Variants in DIAPH2 observed in about 807,000 individuals in gnomAD.
DIAPH2 encodes the protein diaphanous related formin 2.
Under a neutral mutation model 92.7 loss-of-function variants are expected in DIAPH2, and 35 were observed. The observed-to-expected ratio is 0.38, with a 90% confidence interval of 0.29 to 0.50. The LOEUF (loss-of-function observed/expected upper bound fraction) is 0.50, where lower values mean the gene tolerates loss of function less well. Among genes scored for constraint, DIAPH2 ranks in the 20% least tolerant of loss-of-function variants. The pLI is 0.94. For synonymous variants in DIAPH2, 301 were observed against 280.4 expected (o/e 1.07, Z -0.73); for missense variants, 701 against 819.5 (o/e 0.86, Z 1.77).
At position 97,087,745 on chromosome X, in the gene DIAPH2, C is replaced by A. The variant is rs183672479; in HGVS notation, c.2248-11949C>A. Among the ~76,000 whole-genome samples, 767 of 111,835 alleles carry A rather than the reference C, an allele frequency of 6.9e-3. 7 individuals carry two copies. The highest frequency in any genetic ancestry group is 0.019 in the Middle Eastern group (4 of 212). ...ATCTTAGACATTTATTTAGCTGTAACCTGTCACTCTTTCTGGCCATTTATC... is the reference window on the plus strand; with the variant it reads ...ATCTTAGACATTTATTTAGCTGTAAACTGTCACTCTTTCTGGCCATTTATC... On this transcript the variant is annotated intron_variant, in intron 19 of 26. Transcript: ENST00000324765.
intron 26 of DIAPH2, among the ~76,000 whole-genome samples, chrX:97,454,344 A>T (rs1388875052): frequency 3.6e-5 from 4 of 111,480 alleles, no homozygotes; most frequent in Non-Finnish European, 7.5e-5. Context: ...CTTAAAAAAC[A>T]AAAAGCAGAA....
intron 23 of DIAPH2, among the ~76,000 whole-genome samples, chrX:97,320,964 T>C (rs1324091364): frequency 8.9e-6 from 1 of 112,075 alleles, no homozygotes; most frequent in Non-Finnish European, 1.9e-5. Flanking sequence ...AGAGATTTTA[T>C]TACTAATTCA....
chrX:97,408,710 C>G (rs1023079014), intron 25 of DIAPH2, among the ~76,000 whole-genome samples: 4 of 111,800 alleles, frequency 3.6e-5, no homozygotes, highest in Non-Finnish European at 7.5e-5. Flanking sequence ...TTTCTAAAAG[C>G]AATATTCATT....
chrX:97,415,662 T>C (rs1159900815), intron 25 of DIAPH2, among the ~76,000 whole-genome samples: 1 of 101,150 alleles, frequency 9.9e-6, no homozygotes, highest in Admixed American at 1.1e-4. Flanking sequence ...ATGAGATCAC[T>C]TGGACACAGG....
At chrX:97,222,390 G>T (rs1387994451) in intron 22 of DIAPH2, among the ~76,000 whole-genome samples, 2 of 111,789 alleles carry the variant, frequency 1.8e-5, no homozygotes, top group Non-Finnish European at 3.8e-5. Flanking sequence ...TTTTAGTAGA[G>T]ACGGGGTTTC....
intron 21 of DIAPH2, among the ~76,000 whole-genome samples, chrX:97,116,025 CT>C (rs779374581): frequency 1.4e-3 from 151 of 111,469 alleles, no homozygotes; most frequent in African/African-American, 3.9e-3. Flanking sequence ...TTCTTTCACT[CT>C]TTTTTTTCTC....
chrX:96,953,661 T>A (rs765756553), intron 15 of DIAPH2: 1 of 112,303 alleles, frequency 8.9e-6, no homozygotes, highest in South Asian at 3.8e-4. Context: ...TGGAGAATGA[T>A]CCATAATTGC....
At chrX:96,839,470 G>A (rs772348617) in intron 4 of DIAPH2, among the ~76,000 whole-genome samples, 1 of 111,149 alleles carries the variant, frequency 9.0e-6, no homozygotes, top group South Asian at 3.8e-4. Flanking sequence ...AATTGCTAAC[G>A]ATGGCTTAAT....
intron 25 of DIAPH2, among the ~76,000 whole-genome samples, chrX:97,411,775 T>G (rs1234484523): frequency 2.7e-5 from 3 of 111,252 alleles, no homozygotes; most frequent in Non-Finnish European, 5.7e-5. Flanking sequence ...AAAACAGACT[T>G]TAAACCAACA....
chrX:97,506,243 A>G (rs1262707217), intron 26 of DIAPH2, among the ~76,000 whole-genome samples: 1 of 87,995 alleles, frequency 1.1e-5, no homozygotes, highest in Non-Finnish European at 2.1e-5. Context: ...TCTGCCTCCC[A>G]GGTTCAAGCA....
At chrX:96,881,516 C>A (rs1446493921) in intron 4 of DIAPH2, 63 bp from the exon 5 acceptor site, 1 of 938,417 alleles carries the variant, frequency 1.1e-6, no homozygotes, top group East Asian at 3.4e-5. Flanking sequence ...ATATTCTATG[C>A]ATTATTTTAC....
At chrX:96,797,114 T>C (rs926877541) in intron 4 of DIAPH2, among the ~76,000 whole-genome samples, 5 of 112,041 alleles carry the variant, frequency 4.5e-5, no homozygotes, top group Non-Finnish European at 5.6e-5. Flanking sequence ...CTCTTTTTTT[T>C]TGGTTTGTTT....
rs1256888466 is a variant in DIAPH2, at chrX:97,193,012, C to CTTTTCTTTTT, written c.2719+51222_2719+51223insCTTTTTTTTT. The stretch of plus-strand genomic sequence containing the variant: ...ATTTCTTTCTTTTTCTTTTTCTTTT[C>CTTTTCTTTTT]TTTTTTTTTTTTTTTTTTGAGACAG... On this transcript the variant is annotated intron_variant, in intron 22 of 26. Transcript: ENST00000324765. Among the ~76,000 whole-genome samples the CTTTTCTTTTT allele has an allele frequency of 5.5e-3, 476 of 86,538 alleles. 18 individuals are homozygous for CTTTTCTTTTT. Among genetic ancestry groups the CTTTTCTTTTT allele is most frequent in the African/African-American group, 0.023 (450 of 19,776 alleles). The allele number at this position is 86,538 out of a possible 115,157, so 75.1% of individuals were successfully genotyped here.
At position 97,217,667 on chromosome X, in the gene DIAPH2, G is replaced by T. The variant is rs781261462; in HGVS notation, c.2720-30048G>T. ...ATTCATACATTTTAGAAATTTAAAG[G>T]CCGGGCGTGTTGGCTCACGCCTGTA... On this transcript the variant is annotated intron_variant, in intron 22 of 26. Coordinates refer to ENST00000324765, the MANE Select transcript of DIAPH2 (RefSeq NM_006729.5). 2.3e-3 allele frequency among the ~76,000 whole-genome samples: 261 copies of T among 112,181 alleles called. 1 individual carries two copies. Among genetic ancestry groups the T allele is most frequent in the Admixed American group, 6.4e-3 (68 of 10,581 alleles).
At chrX:97,178,955 C>A (rs2067517215) in intron 22 of DIAPH2, among the ~76,000 whole-genome samples, 1 of 111,269 alleles carries the variant, frequency 9.0e-6, no homozygotes, top group South Asian at 3.8e-4. Context: ...AGCAGAGTAG[C>A]CCTCACTAGA....
At chrX:97,104,934 C>T (rs760498948) in intron 20 of DIAPH2, among the ~76,000 whole-genome samples, 2 of 111,829 alleles carry the variant, frequency 1.8e-5, no homozygotes, top group Non-Finnish European at 3.8e-5. Context: ...CCCAGGAATT[C>T]GAGACCTGCC....
chrX:96,818,820 C>T (rs1274669965), intron 4 of DIAPH2, among the ~76,000 whole-genome samples: 1 of 112,565 alleles, frequency 8.9e-6, no homozygotes, highest in Non-Finnish European at 1.9e-5. Flanking sequence ...TGTTGTATAG[C>T]AATGGTCCCC....
intron 21 of DIAPH2, among the ~76,000 whole-genome samples, 164 bp from the exon 22 acceptor site, chrX:97,141,501 G>A (rs2067208454): frequency 9.0e-6 from 1 of 110,699 alleles, no homozygotes; most frequent in African/African-American, 3.3e-5. Flanking sequence ...TTAAAATATG[G>A]AGCTCCTTTT....
At chrX:96,895,934 G>A (rs938285372) in intron 5 of DIAPH2, among the ~76,000 whole-genome samples, 2 of 111,882 alleles carry the variant, frequency 1.8e-5, no homozygotes, top group Admixed American at 9.5e-5. Context: ...AATGAAAGGC[G>A]AGTGGCTTTA....
Sources: gnomAD v4.1 joint callset for allele counts (sites outside exome capture counted in the v4.1 genomes callset) on GRCh38, gnomAD v4.1.1 for gene constraint, MANE v1.5 for transcripts, NCBI Gene and HGNC (gene_info 2026-07-23, HGNC 2026-07-21) for gene names.